Variants in OSR1 observed in about 807,000 individuals in gnomAD.
The protein encoded by OSR1 is protein odd-skipped-related 1.
In OSR1, 3 loss-of-function variants were observed where a neutral mutation model predicts 15.7. The ratio of observed to expected loss-of-function variants is 0.19; its 90% CI spans 0.09 to 0.50. The LOEUF is 0.50. Among genes scored for constraint, OSR1 ranks in the 20% least tolerant of loss-of-function variants. OSR1 has a pLI of 0.97. For synonymous variants in OSR1, 166 were observed against 152.7 expected (o/e 1.09, Z -0.64); for missense variants, 271 against 351.1 (o/e 0.77, Z 1.82).
downstream of OSR1, among the ~76,000 whole-genome samples, chr2:19,350,937 T>C (rs1664826806): frequency 6.6e-6 from 1 of 151,802 alleles, no homozygotes; most frequent in South Asian, 2.1e-4. Flanking sequence ...GTGATGTTGG[T>C]TTGGGGTTCC....
downstream of OSR1, chr2:19,348,386 T>C (rs1306573951): frequency 1.3e-5 from 2 of 154,198 alleles, no homozygotes; most frequent in African/African-American, 4.8e-5. Flanking sequence ...CGTCACGAAG[T>C]TACGTAATGG....
rs766269293 is a variant in OSR1, at chr2:19,353,499, T to C, written c.307A>G (p.Thr103Ala). ...AGCGCTGGAACGCTGCCTCCAGCGG[T>C]GATCTCGGGCTTGGGTTGAATGACA... ...PHVIQPKPEI[T>A]AGGSVPALKT... Residue 103 changes from threonine (T) to alanine (A), a missense_variant, in exon 2 of 3, where the codon ACC (threonine) becomes GCC (alanine). Thr to Ala is a moderately conservative substitution (Grantham distance 58). Transcript: ENST00000272223. The C allele has an allele frequency of 1.9e-6, 3 of 1,614,180 alleles. No homozygotes were observed. Among genetic ancestry groups the C allele is most frequent in the South Asian group, 2.2e-5 (2 of 91,086 alleles).
In OSR1 at chr2:19,352,225, T is replaced by G; in HGVS notation, c.*50A>C. The G allele has an allele frequency of 6.3e-7, 1 of 1,599,382 alleles. No individual in the cohort carries two copies. Among genetic ancestry groups the G allele is most frequent in the Non-Finnish European group, 8.6e-7 (1 of 1,169,410 alleles). ...GCCAGAGTCAGGCTTCTGGTCCCTATGGAGGAGAGGGCCGCTGGGCCTAGG... is the reference window on the plus strand; with the variant it reads ...GCCAGAGTCAGGCTTCTGGTCCCTAGGGAGGAGAGGGCCGCTGGGCCTAGG... On this transcript the variant is annotated 3_prime_UTR_variant, in exon 3 of 3. Transcript: ENST00000272223.
At chr2:19,354,696 T>G (rs1664915992) in intron 1 of OSR1, 1 of 152,318 alleles carries the variant, frequency 6.6e-6, no homozygotes, top group African/African-American at 2.4e-5. Flanking sequence ...GGGACCACTT[T>G]GCTTTCAAGG....
chr2:19,353,918 C>G lies in OSR1; in HGVS notation c.-32-81G>C, dbSNP rs992408684. 2.8e-4 allele frequency: 320 copies of G among 1,153,276 alleles called. 5 individuals carry two copies. In the South Asian group the frequency reaches 4.3e-3, roughly 16 times the overall value. The allele number at this position is 1,153,276 out of a possible 1,614,324, so 71.4% of individuals were successfully genotyped here. A position where few individuals can be genotyped will look rare whatever the true frequency, so the allele number is the denominator to read the frequency against. On this transcript the variant is annotated intron_variant, in intron 1 of 2. Coordinates refer to ENST00000272223, the MANE Select transcript of OSR1 (RefSeq NM_145260.3). ...GGTCGCCTTCCTCCTGAATTCCAGC[C>G]GAGCCACACCCTCTCCTCACACCCA... is the stretch of plus-strand genomic sequence containing the variant.
intron 2 of OSR1, 81 bp downstream of exon 2, chr2:19,353,060 G>A: frequency 1.3e-6 from 2 of 1,500,646 alleles, no homozygotes; most frequent in Non-Finnish European, 1.8e-6. Context: ...GCCAGTAGGG[G>A]GTCTCAAGAA....
chr2:19,345,370 T>G, the OSR1 span, among the ~76,000 whole-genome samples: 2 of 152,016 alleles, frequency 1.3e-5, no homozygotes, highest in Admixed American at 6.6e-5. Flanking sequence ...AGACATGAAG[T>G]CCTTGCCCAT....
chr2:19,352,293 G>A lies in OSR1; in HGVS notation c.783C>T (p.Thr261=). 1 of 1,614,248 alleles carries A rather than the reference G, an allele frequency of 6.2e-7. No homozygotes were observed. The highest frequency in any genetic ancestry group is 8.5e-7 in the Non-Finnish European group (1 of 1,180,030). Residue 261 remains threonine (T), a synonymous_variant, in exon 3 of 3, where the codon ACC becomes ACT. Transcript: ENST00000272223. ...GTTCTATTTAGCATTTGATCTTGGAGGTTTTGAGCTCCTTCACCTGTGAGT... is the reference window on the plus strand; with the variant it reads ...GTTCTATTTAGCATTTGATCTTGGAAGTTTTGAGCTCCTTCACCTGTGAGT... ...TLHSQVKELK[T]SKIKC
At position 19,353,627 on chromosome 2, in the gene OSR1, G is replaced by A. The variant is rs780326478; in HGVS notation, c.179C>T (p.Pro60Leu). ...VHLHQWTLGYPAMHLPRSSFS... is the reference protein window; with the variant it reads ...VHLHQWTLGYLAMHLPRSSFS... The stretch of plus-strand genomic sequence containing the variant: ...AGAAGAGCGCGGCAAGTGCATGGCC[G>A]GGTAGCCCAGCGTCCACTGATGCAG... The change falls in exon 2 of 3, where the codon CCG becomes CTG. Residue 60 changes from proline (P) to leucine (L), a missense_variant. Pro to Leu is a moderately conservative substitution (Grantham distance 98). Transcript: ENST00000272223. The A allele has an allele frequency of 6.2e-7, 1 of 1,614,138 alleles. No homozygotes were observed. The highest frequency in any genetic ancestry group is 1.3e-5 in the African/African-American group (1 of 74,954).
downstream of OSR1, among the ~76,000 whole-genome samples, chr2:19,350,646 G>A (rs1664820066): frequency 6.6e-6 from 1 of 152,162 alleles, no homozygotes; most frequent in Non-Finnish European, 1.5e-5. Context: ...CGCGGTCAGG[G>A]CGCTGGAGCT....
chr2:19,352,457 T>A (rs375566442), intron 2 of OSR1, 47 bp from the exon 3 acceptor site: 56 of 1,604,306 alleles, frequency 3.5e-5, no homozygotes, highest in Non-Finnish European at 4.7e-5. Flanking sequence ...GATGCAATGT[T>A]ATAAACAGTT....
intron 1 of OSR1, chr2:19,354,714 T>C (rs1458425920): frequency 1.3e-5 from 2 of 152,290 alleles, no homozygotes; most frequent in Non-Finnish European, 2.9e-5. Context: ...AGGAGGTTGC[T>C]AATATCCACA....
chr2:19,344,952 G>A, the OSR1 span, among the ~76,000 whole-genome samples: 1 of 152,060 alleles, frequency 6.6e-6, no homozygotes, highest in Non-Finnish European at 1.5e-5. Flanking sequence ...GAAACATAAA[G>A]TGAGATGGTA....
chr2:19,354,663 T>C (rs1321796929), intron 1 of OSR1: 1 of 152,368 alleles, frequency 6.6e-6, no homozygotes, highest in Non-Finnish European at 1.5e-5. Context: ...GTGGACTGAC[T>C]CTCTGCCTTG....
Position 19,352,280 on chromosome 2 carries a change from A to G in OSR1, c.796T>C (p.Cys266Arg), listed in dbSNP as rs1558359218. 1.2e-6 allele frequency: 2 copies of G among 1,614,182 alleles called. No homozygotes were observed. The highest frequency in any genetic ancestry group is 8.5e-7 in the Non-Finnish European group (1 of 1,179,994). ...VKELKTSKIK[C>R] ...TTGTGACCCACAGGTTCTATTTAGC[A>G]TTTGATCTTGGAGGTTTTGAGCTCC... The change falls in exon 3 of 3, where the codon TGC becomes CGC. Residue 266 changes from cysteine to arginine, a missense_variant. Cys to Arg is a radical substitution (Grantham distance 180). Transcript: ENST00000272223.
In OSR1 at chr2:19,358,531, G is replaced by C. The variant is rs45497002; in HGVS notation, c.-223C>G. 0.029 allele frequency: 4,454 copies of C among 152,358 alleles called. 93 individuals are homozygous for C. The highest frequency in any genetic ancestry group is 0.043 in the Non-Finnish European group (2,936 of 68,062). 9.4% of individuals were successfully genotyped at this position (152,358 alleles called of 1,614,324 possible). A position where few individuals can be genotyped will look rare whatever the true frequency, so the allele number is the denominator to read the frequency against. ...TCAGCAGCCCCGGATCCTGCACGCC[G>C]GGGACGGTGAGCCTCGCTCGCGGCT... is the stretch of plus-strand genomic sequence containing the variant. On this transcript the variant is annotated 5_prime_UTR_variant, in exon 1 of 3. Transcript: ENST00000272223.
chr2:19,355,669 A>G (rs561472087), intron 1 of OSR1: 1 of 152,262 alleles, frequency 6.6e-6, no homozygotes, highest in South Asian at 2.1e-4. Context: ...TCGGATAAAA[A>G]CCGTTGCAAT....
chr2:19,352,164 G>A lies in OSR1; in HGVS notation c.*111C>T, dbSNP rs1465552556. ...GGACCCAGGGGACAATGTTGGAGAG[G>A]TGGAAGGTCCCGAGCGAGCGCCTCT... On this transcript the variant is annotated 3_prime_UTR_variant, in exon 3 of 3. Transcript: ENST00000272223. 1.6e-6 allele frequency: 2 copies of A among 1,276,932 alleles called. No individual in the cohort carries two copies. Among genetic ancestry groups the A allele is most frequent in the Non-Finnish European group, 2.1e-6 (2 of 930,568 alleles). The allele number at this position is 1,276,932 out of a possible 1,614,324, so 79.1% of individuals were successfully genotyped here.
downstream of OSR1, among the ~76,000 whole-genome samples, chr2:19,347,102 C>T (rs1664745703): frequency 6.6e-6 from 1 of 152,180 alleles, no homozygotes. Context: ...TTCTTCCTCT[C>T]TCATTTCATT....
Sources: gnomAD v4.1 joint callset for allele counts (sites outside exome capture counted in the v4.1 genomes callset) on GRCh38, gnomAD v4.1.1 for gene constraint, MANE v1.5 for transcripts, NCBI Gene and HGNC (gene_info 2026-07-23, HGNC 2026-07-21) for gene names.